SLC10A7: variants seen among roughly 807,000 people sequenced by gnomAD.
SLC10A7 encodes solute carrier family 10 member 7, also known as sodium/bile acid cotransporter 7.
SLC10A7 carries 29 observed loss-of-function variants against 43.2 expected under a neutral mutation model. The observed-to-expected ratio is 0.67, with a 90% CI of 0.50 to 0.92. SLC10A7 has a LOEUF of 0.92. Among genes scored for constraint, SLC10A7 ranks in the 40% least tolerant of loss-of-function variants. The pLI, the probability that SLC10A7 is intolerant of heterozygous loss-of-function variation, is 0.00. For missense variants in SLC10A7, 295 were observed against 403.2 expected (o/e 0.73, Z 2.30); for synonymous variants, 152 against 144.8 (o/e 1.05, Z -0.35).
intron 2 of SLC10A7, among the ~76,000 whole-genome samples, chr4:146,510,369 C>T (rs534480613): frequency 6.6e-6 from 1 of 151,752 alleles, no homozygotes; most frequent in South Asian, 2.1e-4. Context: ...AAGGGATTCT[C>T]CTGCATCAGC....
intron 4 of SLC10A7, among the ~76,000 whole-genome samples, chr4:146,474,323 G>A (rs1039900479): frequency 6.6e-6 from 1 of 151,948 alleles, no homozygotes; most frequent in Non-Finnish European, 1.5e-5. Context: ...GATCTTTTGG[G>A]GATTCCAGGG....
At chr4:146,508,641 C>T (rs1227347018) in intron 3 of SLC10A7, among the ~76,000 whole-genome samples, 1 of 152,166 alleles carries the variant, frequency 6.6e-6, no homozygotes, top group Non-Finnish European at 1.5e-5. Flanking sequence ...CCTCACCCAT[C>T]ACTGCTGAAA....
At position 146,521,606 on chromosome 4, in the gene SLC10A7, T is replaced by C; in HGVS notation, c.100+12A>G. On this transcript the variant is annotated intron_variant, in intron 1 of 11. Coordinates refer to ENST00000335472, the MANE Select transcript of SLC10A7 (RefSeq NM_001029998.6). ...GGAGCCGCGGTGGAGCCGGCAGAGG[T>C]GCAGCACTTACCCCCATTCACCCCT... 6.2e-7 allele frequency: 1 copy of C among 1,609,042 alleles called. No homozygotes were observed.
At chr4:146,302,782 T>C (rs1244404683) in intron 7 of SLC10A7, among the ~76,000 whole-genome samples, 1 of 152,188 alleles carries the variant, frequency 6.6e-6, no homozygotes, top group Non-Finnish European at 1.5e-5. Context: ...GGGAGAAGTA[T>C]TTTTTAAGTA....
chr4:146,442,925 A>C, intron 4 of SLC10A7, 104 bp from the exon 5 acceptor site: 3 of 838,382 alleles, frequency 3.6e-6, no homozygotes, highest in South Asian at 1.9e-5. Flanking sequence ...AAACCTTAAA[A>C]CATTGACTCT....
At chr4:146,451,242 A>AAAC (rs1560921160) in intron 4 of SLC10A7, among the ~76,000 whole-genome samples, 1 of 149,048 alleles carries the variant, frequency 6.7e-6, no homozygotes, top group South Asian at 2.1e-4. Context: ...AAAAAAAAAA[A>AAAC]AAAAAAAACA....
chr4:146,481,363 C>T (rs1484062223), intron 4 of SLC10A7, among the ~76,000 whole-genome samples: 4 of 152,160 alleles, frequency 2.6e-5, no homozygotes, highest in Non-Finnish European at 5.9e-5. Context: ...GTGCCCCACG[C>T]CCCACAAGCC....
rs1001366123 is a variant in SLC10A7 at position 146,506,259 on chromosome 4, CA to C, written c.321-2336del. On this transcript the variant is annotated intron_variant, in intron 3 of 11. Coordinates refer to ENST00000335472, the MANE Select transcript of SLC10A7 (RefSeq NM_001029998.6). The stretch of plus-strand genomic sequence containing the variant: ...TGGGCAGCAGAGTGAGATGCCATCT[CA>C]AAAAAAAAAATTTGCCAACTATATA... 7.7e-3 allele frequency among the ~76,000 whole-genome samples: 1,122 copies of C among 145,722 alleles called. 11 individuals are homozygous for C. Among genetic ancestry groups the C allele is most frequent in the African/African-American group, 0.026 (1,017 of 39,822 alleles).
chr4:146,501,000 C>T (rs926396430), intron 4 of SLC10A7, among the ~76,000 whole-genome samples: 2 of 152,222 alleles, frequency 1.3e-5, no homozygotes, highest in Non-Finnish European at 2.9e-5. Flanking sequence ...GGACACCTGG[C>T]TTCCCTGACA....
intron 5 of SLC10A7, among the ~76,000 whole-genome samples, chr4:146,422,339 T>C (rs1300267846): frequency 6.6e-6 from 1 of 152,168 alleles, no homozygotes; most frequent in Non-Finnish European, 1.5e-5. Flanking sequence ...TTGCATTTCA[T>C]AGAACATAAT....
Position 146,293,992 on chromosome 4 carries a change from T to C in SLC10A7, c.659A>G (p.Asp220Gly). ...GTCAATATTTGGGTTAGAGAACGTG[T>C]CACAGAATGTTGTGTAGATGATCAT... The part of the protein sequence containing the change: ...LLMIIYTTFC[D>G]TFSNPNIDLD... Residue 220 changes from aspartate to glycine, a missense_variant, in exon 8 of 12, where the codon GAC becomes GGC. Physicochemically the swap from Asp to Gly is moderately conservative, Grantham distance 94. Around this residue, in one of 2 missense-constraint regions of SLC10A7, gnomAD observed 242 missense variants for 362.5 expected, o/e 0.67. Transcript: ENST00000335472. The C allele has an allele frequency of 6.2e-7, 1 of 1,613,498 alleles. No homozygotes were observed. Among genetic ancestry groups the C allele is most frequent in the Non-Finnish European group, 8.5e-7 (1 of 1,179,542 alleles).
chr4:146,454,002 G>A (rs550953230), intron 4 of SLC10A7, among the ~76,000 whole-genome samples: 1 of 151,964 alleles, frequency 6.6e-6, no homozygotes, highest in South Asian at 2.1e-4. Flanking sequence ...GAAATGTCAT[G>A]TACTTAAAAT....
Position 146,432,777 on chromosome 4 carries a change from T to C in SLC10A7, c.435+10006A>G, listed in dbSNP as rs373904447. Among the ~76,000 whole-genome samples, 49 of 152,304 alleles carry C rather than the reference T, an allele frequency of 3.2e-4. No individual in the cohort carries two copies. The East Asian group carries it at 4.5e-3, about 14-fold the overall frequency. On this transcript the variant is annotated intron_variant, in intron 5 of 11. Coordinates refer to ENST00000335472, the MANE Select transcript of SLC10A7 (RefSeq NM_001029998.6). ...TCAATAAACCGGCCGCGGTGGCTCA[T>C]GCCTGTAATCCCAGAACTTTGGGAG...
chr4:146,448,153 C>T (rs1731269569), intron 4 of SLC10A7, among the ~76,000 whole-genome samples: 2 of 151,520 alleles, frequency 1.3e-5, no homozygotes, highest in Non-Finnish European at 2.9e-5. Context: ...ACTAACATGG[C>T]ACATGTATAC....
At chr4:146,503,462 C>A (rs1158589200) in intron 4 of SLC10A7, among the ~76,000 whole-genome samples, 1 of 152,214 alleles carries the variant, frequency 6.6e-6, no homozygotes, top group Non-Finnish European at 1.5e-5. Flanking sequence ...ACATATTTAA[C>A]TTTTCCCCAT....
intron 10 of SLC10A7, among the ~76,000 whole-genome samples, chr4:146,265,643 C>G (rs1728506334): frequency 6.6e-6 from 1 of 152,136 alleles, no homozygotes; most frequent in South Asian, 2.1e-4. Context: ...AACATTTAAG[C>G]ACAGGGCTGG....
At chr4:146,395,659 A>G (rs1738774388) in intron 5 of SLC10A7, among the ~76,000 whole-genome samples, 2 of 152,216 alleles carry the variant, frequency 1.3e-5, no homozygotes, top group Non-Finnish European at 1.5e-5. Flanking sequence ...ATACACTAAC[A>G]TCGGACATGC....
intron 5 of SLC10A7, among the ~76,000 whole-genome samples, chr4:146,431,883 A>G (rs539691416): frequency 4.3e-4 from 65 of 152,268 alleles, no homozygotes; most frequent in Non-Finnish European, 2.4e-4. Context: ...AATCACTTAC[A>G]TAATATATGT....
chr4:146,382,793 T>C (rs1005808334), intron 5 of SLC10A7, among the ~76,000 whole-genome samples: 2 of 152,138 alleles, frequency 1.3e-5, no homozygotes, highest in Non-Finnish European at 2.9e-5. Flanking sequence ...TGTCACCTTG[T>C]GTCCTTTCCT....
Sources: gnomAD v4.1 joint callset for allele counts (sites outside exome capture counted in the v4.1 genomes callset) on GRCh38, gnomAD v4.1.1 for gene constraint, gnomAD v4.1.1 regional missense constraint, MANE v1.5 for transcripts, NCBI Gene and HGNC (gene_info 2026-07-23, HGNC 2026-07-21) for gene names.